Variants in G2E3 observed in about 807,000 individuals in gnomAD.
The protein encoded by G2E3 is G2/M phase-specific E3 ubiquitin-protein ligase.
In G2E3, 35 loss-of-function variants were observed where a neutral mutation model predicts 92.8. The observed-to-expected ratio is 0.38, with a 90% confidence interval of 0.29 to 0.50. The LOEUF (loss-of-function observed/expected upper bound fraction) is 0.50, where lower values mean the gene tolerates loss of function less well. Among genes scored for constraint, G2E3 ranks in the 20% least tolerant of loss-of-function variants. G2E3 has a pLI of 0.94. For synonymous variants in G2E3, 242 were observed against 272.4 expected, an observed-to-expected ratio of 0.89 and a Z score of 1.10; for missense variants, 554 against 823.8, an observed-to-expected ratio of 0.67 and a Z score of 4.01.
chr14:30,617,288 G>C lies in G2E3; in HGVS notation c.*754G>C, dbSNP rs772255779. Reference sequence around the variant, plus strand: ...AAAACAGAATTGCACAAATTTTCTGGAATCTATGGACATTCCATGAGCTTA... The same window carrying C: ...AAAACAGAATTGCACAAATTTTCTGCAATCTATGGACATTCCATGAGCTTA... On this transcript the variant is annotated 3_prime_UTR_variant, in exon 15 of 15. Coordinates refer to ENST00000206595, the MANE Select transcript of G2E3 (RefSeq NM_017769.5). 2.0e-5 allele frequency: 3 copies of C among 151,998 alleles called. No individual in the cohort carries two copies. Among genetic ancestry groups the C allele is most frequent in the East Asian group, 3.8e-4 (2 of 5,196 alleles). The allele number at this position is 151,998 out of a possible 1,614,324, so 9.4% of individuals were successfully genotyped here. A position where few individuals can be genotyped will look rare whatever the true frequency, so the allele number is the denominator to read the frequency against.
chr14:30,578,181 T>C lies in G2E3; in HGVS notation c.-4-2895T>C, dbSNP rs1260820840. On this transcript the variant is annotated intron_variant, in intron 1 of 14. Coordinates refer to ENST00000206595, the MANE Select transcript of G2E3 (RefSeq NM_017769.5). Reference sequence around the variant, plus strand: ...CAGGATTTAGAAACAAAAGTTATACTCCACATGCTAGGGATTAGGAAGGCT... The same window carrying C: ...CAGGATTTAGAAACAAAAGTTATACCCCACATGCTAGGGATTAGGAAGGCT... 2.6e-5 allele frequency among the ~76,000 whole-genome samples: 4 copies of C among 152,276 alleles called. No individual in the cohort carries two copies. The East Asian group carries it at 7.7e-4, about 29-fold the overall frequency.
chr14:30,601,725 A>G (rs758318881), intron 8 of G2E3, 45 bp from the exon 9 acceptor site: 1 of 1,607,714 alleles, frequency 6.2e-7, no homozygotes, highest in African/African-American at 1.3e-5. Context: ...GGTTGAAACT[A>G]GAATAATAAC....
chr14:30,588,310 T>TTCTATAAAAAGTAAAACAAA (rs1880827871), intron 3 of G2E3, among the ~76,000 whole-genome samples: 1 of 152,136 alleles, frequency 6.6e-6, no homozygotes, highest in African/African-American at 2.4e-5. Flanking sequence ...TTTTACTTTT[T>TTCTATAAAAAGTAAAACAAA]ATGCAGTAGA....
chr14:30,619,329 C>CTAAG lies in G2E3; in HGVS notation c.*2797_*2800dup, dbSNP rs1207036683. On this transcript the variant is annotated 3_prime_UTR_variant, in exon 15 of 15. Transcript: ENST00000206595. Reference sequence around the variant, plus strand: ...GAACTTTTGTATTCAGTGCTAAATACTAAGTCAAGGGGAGTATATTAGGTA... The same window carrying CTAAG: ...GAACTTTTGTATTCAGTGCTAAATACTAAGTAAGTCAAGGGGAGTATATTAGGTA... 6.6e-6 allele frequency: 1 copy of CTAAG among 152,014 alleles called. No homozygotes were observed. The highest frequency in any genetic ancestry group is 1.5e-5 in the Non-Finnish European group (1 of 67,920). The allele number at this position is 152,014 out of a possible 1,614,324, so 9.4% of individuals were successfully genotyped here.
At chr14:30,577,488 T>A (rs1405407173) in intron 1 of G2E3, among the ~76,000 whole-genome samples, 1 of 152,202 alleles carries the variant, frequency 6.6e-6, no homozygotes, top group African/African-American at 2.4e-5. Context: ...GAAGTTGCTC[T>A]CAGGCTGTTA....
intron 12 of G2E3, among the ~76,000 whole-genome samples, chr14:30,608,487 C>T (rs533870698): frequency 1.3e-5 from 2 of 152,274 alleles, no homozygotes; most frequent in Non-Finnish European, 2.9e-5. Context: ...GAATACTTTT[C>T]CTTCCTTCTA....
intron 3 of G2E3, 73 bp from the exon 4 acceptor site, chr14:30,589,310 G>T: frequency 1.2e-6 from 1 of 826,992 alleles, no homozygotes. Context: ...AGACTGAATA[G>T]TATGGATATA....
chr14:30,581,481 C>T (rs1317586636), intron 2 of G2E3, among the ~76,000 whole-genome samples: 2 of 152,134 alleles, frequency 1.3e-5, no homozygotes, highest in African/African-American at 2.4e-5. Flanking sequence ...CTGAAGCAGG[C>T]AAATCACTTG....
chr14:30,590,997 C>T (rs1176971750), intron 4 of G2E3: 1 of 217,360 alleles, frequency 4.6e-6, no homozygotes, highest in Non-Finnish European at 9.4e-6. Flanking sequence ...ATGAGCATTT[C>T]CTTTGAGCAT....
intron 1 of G2E3, chr14:30,560,553 G>A: frequency 2.1e-6 from 1 of 486,580 alleles, no homozygotes; most frequent in Non-Finnish European, 3.6e-6. Flanking sequence ...CTTTGTAACA[G>A]AGACATTGGC....
rs1882428814 is a variant in G2E3 at position 30,618,659 on chromosome 14, G to A, written c.*2125G>A. 1 of 152,078 alleles carries A rather than the reference G, an allele frequency of 6.6e-6. No individual in the cohort carries two copies. The allele number at this position is 152,078 out of a possible 1,614,324, so 9.4% of individuals were successfully genotyped here. ...TAATTTAGGATATTCATGTTTTAAA[G>A]TGAAGCATAAATATTTATTTTGCAA... On this transcript the variant is annotated 3_prime_UTR_variant, in exon 15 of 15. Transcript: ENST00000206595.
In G2E3 at chr14:30,589,506, T is replaced by G. The variant is rs779284683; in HGVS notation, c.237+22T>G. ...ACTGGTAAGTAAATTATTTTACTAT[T>G]AAGTAATGTCATAAATATTGTCAAT... On this transcript the variant is annotated intron_variant, in intron 4 of 14. Coordinates refer to ENST00000206595, the MANE Select transcript of G2E3 (RefSeq NM_017769.5). 2.4e-5 allele frequency: 27 copies of G among 1,140,774 alleles called. 1 individual carries two copies. The South Asian group carries it at 3.1e-4, about 13-fold the overall frequency. 70.7% of individuals were successfully genotyped at this position (1,140,774 alleles called of 1,614,324 possible).
chr14:30,608,113 G>A, intron 12 of G2E3, 44 bp downstream of exon 12: 1 of 1,122,266 alleles, frequency 8.9e-7, no homozygotes, highest in Non-Finnish European at 1.2e-6. Flanking sequence ...TACATTCTAG[G>A]TATCTTTTAA....
intron 1 of G2E3, among the ~76,000 whole-genome samples, chr14:30,578,347 A>G (rs1222418264): frequency 2.0e-5 from 3 of 152,210 alleles, no homozygotes; most frequent in Non-Finnish European, 2.9e-5. Flanking sequence ...CTTTATCTAG[A>G]TTCACTAAAT....
At chr14:30,561,356 C>G (rs976545901) in intron 1 of G2E3, among the ~76,000 whole-genome samples, 12 of 152,332 alleles carry the variant, frequency 7.9e-5, no homozygotes, top group African/African-American at 2.6e-4. Flanking sequence ...TTTCTTGCCT[C>G]TCTTCAGTCT....
chr14:30,575,855 A>C (rs550942893), intron 1 of G2E3, among the ~76,000 whole-genome samples: 2 of 152,194 alleles, frequency 1.3e-5, no homozygotes, highest in Non-Finnish European at 2.9e-5. Flanking sequence ...AGCACTGCTC[A>C]AAGAAATCAG....
intron 4 of G2E3, 57 bp downstream of exon 4, chr14:30,589,541 G>C: frequency 1.1e-6 from 1 of 873,466 alleles, no homozygotes; most frequent in Non-Finnish European, 1.8e-6. Context: ...TACTTGGGAA[G>C]TCTTTTCTAT....
chr14:30,597,596 A>T lies in G2E3; in HGVS notation c.635+70A>T. On this transcript the variant is annotated intron_variant, in intron 7 of 14. Coordinates refer to ENST00000206595, the MANE Select transcript of G2E3 (RefSeq NM_017769.5). Reference sequence around the variant, plus strand: ...GTAGGATTTAATAGCAATGGAAATGATCACTTATGTCTGATTCAGTGAGCA... The same window carrying T: ...GTAGGATTTAATAGCAATGGAAATGTTCACTTATGTCTGATTCAGTGAGCA... 10 of 862,414 alleles carry T rather than the reference A, an allele frequency of 1.2e-5. No homozygotes were observed. The South Asian group carries it at 1.3e-4, about 11-fold the overall frequency. 53.4% of individuals were successfully genotyped at this position (862,414 alleles called of 1,614,324 possible).
intron 10 of G2E3, among the ~76,000 whole-genome samples, chr14:30,604,107 C>G (rs781471064): frequency 6.6e-6 from 1 of 152,164 alleles, no homozygotes; most frequent in Non-Finnish European, 1.5e-5. Flanking sequence ...ACCAGGGAAG[C>G]TTGACTCCTT....
Sources: allele counts gnomAD v4.1 joint callset (sites outside exome capture counted in the v4.1 genomes callset), GRCh38; gene constraint gnomAD v4.1.1; transcripts MANE v1.5; gene names NCBI Gene and HGNC (gene_info 2026-07-23, HGNC 2026-07-21).